The following GRID1 variants were observed in gnomAD, a reference collection of about 807,000 sequenced individuals.
The protein encoded by GRID1 is glutamate receptor ionotropic, delta-1.
Under a neutral mutation model 98.0 loss-of-function variants are expected in GRID1, and 28 were observed. That is an observed-to-expected ratio of 0.29 (90% CI 0.21 to 0.39). The LOEUF (loss-of-function observed/expected upper bound fraction) is 0.39. Ranked by LOEUF, GRID1 falls within the 10% of genes least tolerant of loss-of-function variation. The pLI, the probability that GRID1 is intolerant of heterozygous loss-of-function variation, is 1.00. For synonymous variants in GRID1, 553 were observed against 538.5 expected, an observed-to-expected ratio of 1.03 and a Z score of -0.37; for missense variants, 1,111 against 1,340.5, an observed-to-expected ratio of 0.83 and a Z score of 2.67.
At chr10:86,255,098 C>G (rs11201955) in intron 2 of GRID1, among the ~76,000 whole-genome samples, 1 of 152,182 alleles carries the variant, frequency 6.6e-6, no homozygotes, top group African/African-American at 2.4e-5. Flanking sequence ...GGCTCCCCAC[C>G]CACCTGGATG....
intron 4 of GRID1, among the ~76,000 whole-genome samples, chr10:86,011,803 A>G (rs559483896): frequency 6.6e-6 from 1 of 152,354 alleles, no homozygotes; most frequent in African/African-American, 2.4e-5. Flanking sequence ...TGAAGTTGAG[A>G]TGCCAAACTT....
chr10:85,787,008 C>T (rs1228253875), intron 8 of GRID1, among the ~76,000 whole-genome samples: 4 of 152,224 alleles, frequency 2.6e-5, no homozygotes, highest in African/African-American at 9.6e-5. Flanking sequence ...CCAGGGCTCC[C>T]CCTCTGCCTC....
chr10:86,223,093 G>A (rs1435452312), intron 2 of GRID1, among the ~76,000 whole-genome samples: 1 of 152,200 alleles, frequency 6.6e-6, no homozygotes, highest in African/African-American at 2.4e-5. Flanking sequence ...ACCAAACCAA[G>A]GCAGAGGGGC....
At chr10:85,981,809 A>G (rs1204189821) in intron 4 of GRID1, among the ~76,000 whole-genome samples, 1 of 152,180 alleles carries the variant, frequency 6.6e-6, no homozygotes, top group Non-Finnish European at 1.5e-5. Context: ...TTTTGTTACA[A>G]ATGCCAACCA....
intron 4 of GRID1, among the ~76,000 whole-genome samples, chr10:86,067,259 T>G (rs1182785639): frequency 1.3e-5 from 2 of 152,200 alleles, no homozygotes; most frequent in African/African-American, 2.4e-5. Context: ...GCGCTCTGCA[T>G]GCACGCTGGA....
chr10:86,007,304 C>G (rs1842872178), intron 4 of GRID1, among the ~76,000 whole-genome samples: 1 of 152,290 alleles, frequency 6.6e-6, no homozygotes, highest in Admixed American at 6.5e-5. Flanking sequence ...TCCTCCCACC[C>G]CCCACTGACA....
intron 2 of GRID1, among the ~76,000 whole-genome samples, chr10:86,241,104 A>G (rs1342465150): frequency 6.6e-6 from 1 of 152,220 alleles, no homozygotes; most frequent in Non-Finnish European, 1.5e-5. Context: ...GCCACTGCCC[A>G]GTGCTCTGTG....
Position 85,600,188 on chromosome 10 carries a change from AAAAC to A in GRID1, c.*2081_*2084del, listed in dbSNP as rs1195188932. 1 of 152,492 alleles carries A rather than the reference AAAAC, an allele frequency of 6.6e-6. No individual in the cohort carries two copies. Among genetic ancestry groups the A allele is most frequent in the Non-Finnish European group, 1.5e-5 (1 of 68,044 alleles). The allele number at this position is 152,492 out of a possible 1,614,324, so 9.4% of individuals were successfully genotyped here. A position where few individuals can be genotyped will look rare whatever the true frequency, so the allele number is the denominator to read the frequency against. On this transcript the variant is annotated 3_prime_UTR_variant, in exon 16 of 16. Coordinates refer to ENST00000327946, the MANE Select transcript of GRID1 (RefSeq NM_017551.3). ...GGCAGGGCCCCCAACGTGCTGATGGAAAACAAAGCCTGCTCTTCCTCGGGGTCAT... is the reference window on the plus strand; with the variant it reads ...GGCAGGGCCCCCAACGTGCTGATGGAAAAGCCTGCTCTTCCTCGGGGTCAT...
At chr10:85,841,262 G>A (rs903982954) in intron 8 of GRID1, among the ~76,000 whole-genome samples, 1 of 152,132 alleles carries the variant, frequency 6.6e-6, no homozygotes, top group Non-Finnish European at 1.5e-5. Context: ...AATAAATGGT[G>A]CTGGAATAAC....
intron 4 of GRID1, among the ~76,000 whole-genome samples, chr10:85,954,074 T>C (rs575017343): frequency 6.6e-6 from 1 of 152,318 alleles, no homozygotes; most frequent in South Asian, 2.1e-4. Flanking sequence ...GGGGAGTCTA[T>C]TACTGTTTAA....
chr10:85,749,766 C>A (rs1238551353), intron 8 of GRID1, among the ~76,000 whole-genome samples: 2 of 152,146 alleles, frequency 1.3e-5, no homozygotes, highest in Non-Finnish European at 2.9e-5. Context: ...ACATGCTCTC[C>A]TTCTGGAAAC....
chr10:85,851,027 A>G (rs1843053535), intron 8 of GRID1, among the ~76,000 whole-genome samples: 1 of 152,172 alleles, frequency 6.6e-6, no homozygotes. Flanking sequence ...GGTGGCCCTG[A>G]CAGATCTGTC....
At chr10:85,758,540 T>C (rs1842119645) in intron 8 of GRID1, among the ~76,000 whole-genome samples, 1 of 152,196 alleles carries the variant, frequency 6.6e-6, no homozygotes, top group Non-Finnish European at 1.5e-5. Context: ...TTACATGGCA[T>C]CTGGGTTTCT....
intron 2 of GRID1, among the ~76,000 whole-genome samples, chr10:86,323,337 T>C (rs1300306033): frequency 1.3e-5 from 2 of 152,212 alleles, no homozygotes; most frequent in Admixed American, 1.3e-4. Context: ...ATTAAATGAC[T>C]TACTATGTAT....
intron 8 of GRID1, among the ~76,000 whole-genome samples, chr10:85,810,956 C>CA (rs1367591661): frequency 1.3e-5 from 2 of 152,106 alleles, no homozygotes; most frequent in African/African-American, 4.8e-5. Flanking sequence ...ACCCAAAGTC[C>CA]AAAAAACATC....
intron 6 of GRID1, among the ~76,000 whole-genome samples, chr10:85,867,811 T>G: frequency 6.6e-6 from 1 of 152,246 alleles, no homozygotes; most frequent in Non-Finnish European, 1.5e-5. Flanking sequence ...TGGGGATTAT[T>G]CCAGCTAAAA....
At chr10:86,237,385 G>A (rs893507027) in intron 2 of GRID1, among the ~76,000 whole-genome samples, 31 of 152,124 alleles carry the variant, frequency 2.0e-4, no homozygotes, top group Admixed American at 1.8e-3. Context: ...GTGAATTTTC[G>A]GAAGATCGGG....
At chr10:86,228,341 A>G (rs75327039) in intron 2 of GRID1, among the ~76,000 whole-genome samples, 2,211 of 151,368 alleles carry the variant, frequency 0.015, 63 homozygotes, top group African/African-American at 0.046. Context: ...GAGGAAACGT[A>G]GACAATCAGA....
intron 15 of GRID1, among the ~76,000 whole-genome samples, chr10:85,610,272 G>A (rs1008578394): frequency 1.3e-5 from 2 of 152,140 alleles, no homozygotes; most frequent in East Asian, 1.9e-4. Context: ...AAAGACTGTC[G>A]TTTTGAGCCG....
Sources: gnomAD v4.1 joint callset for allele counts (sites outside exome capture counted in the v4.1 genomes callset) on GRCh38, gnomAD v4.1.1 for gene constraint, MANE v1.5 for transcripts, NCBI Gene and HGNC (gene_info 2026-07-23, HGNC 2026-07-21) for gene names.